Variants in CFAP70 observed in about 807,000 individuals in gnomAD.
CFAP70 encodes cilia- and flagella-associated protein 70.
CFAP70 carries 81 observed loss-of-function variants against 137.6 expected under a neutral mutation model. The observed-to-expected ratio is 0.59, with a 90% CI of 0.49 to 0.71. The LOEUF is 0.71. CFAP70 is among the 30% of genes least tolerant of loss of function. The pLI is 0.00. For synonymous variants in CFAP70, 382 were observed against 423.6 expected, an observed-to-expected ratio of 0.90 and a Z score of 1.20; for missense variants, 976 against 1,226.7, an observed-to-expected ratio of 0.80 and a Z score of 3.05.
intron 25 of CFAP70, among the ~76,000 whole-genome samples, chr10:73,264,861 T>A (rs927215758): frequency 6.6e-6 from 1 of 152,196 alleles, no homozygotes; most frequent in Non-Finnish European, 1.5e-5. Flanking sequence ...TTTTCTTTTT[T>A]AAAAAATATA....
intron 13 of CFAP70, 58 bp downstream of exon 14, chr10:73,299,547 C>G (rs1389272263): frequency 1.5e-6 from 2 of 1,372,632 alleles, no homozygotes; most frequent in Non-Finnish European, 2.1e-6. Context: ...ATGCAATTAA[C>G]AAGTGCATGC....
intron 19 of CFAP70, among the ~76,000 whole-genome samples, chr10:73,287,316 T>C (rs1009925061): frequency 6.6e-6 from 1 of 152,214 alleles, no homozygotes; most frequent in Non-Finnish European, 1.5e-5. Flanking sequence ...CAATGGTAAG[T>C]ATTTGTGTAT....
exon 25 of CFAP70, chr10:73,269,626 C>T (rs1256008291): frequency 1.9e-6 from 3 of 1,612,690 alleles, no homozygotes; most frequent in Middle Eastern, 1.7e-4. Flanking sequence ...TCAGGCAGAC[C>T]AGAGCCAGAT....
intron 1 of CFAP70, among the ~76,000 whole-genome samples, chr10:73,357,815 C>T (rs564329954): frequency 6.6e-6 from 1 of 152,342 alleles, no homozygotes; most frequent in Non-Finnish European, 1.5e-5. Context: ...GCAAATCCTA[C>T]TCATCCTTTA....
rs776819986 is a variant in CFAP70 at position 73,345,247 on chromosome 10, G to C, written c.350-133C>G. On this transcript the variant is annotated intron_variant, in intron 4 of 26. Coordinates refer to ENST00000310715, the Ensembl canonical transcript of CFAP70. ...ACTTTAACTTCAAGACTGCACTGCT[G>C]TAAAAGAATAAAATTATGCAGCATT... 3.1e-5 allele frequency: 50 copies of C among 1,607,836 alleles called. No individual in the cohort carries two copies. The highest frequency in any genetic ancestry group is 3.2e-5 in the Non-Finnish European group (38 of 1,177,036).
chr10:73,341,264 A>G (rs1034948789), intron 6 of CFAP70, 135 bp downstream of exon 7: 8 of 713,644 alleles, frequency 1.1e-5, no homozygotes, highest in Non-Finnish European at 1.8e-5. Context: ...AATCAGAATT[A>G]GATATGTGTT....
At chr10:73,304,899 T>G (rs1240922608) in intron 12 of CFAP70, among the ~76,000 whole-genome samples, 1 of 150,930 alleles carries the variant, frequency 6.6e-6, no homozygotes, top group East Asian at 1.9e-4. Flanking sequence ...ACCAACTTGT[T>G]AGAATGTTGG....
chr10:73,338,779 G>A (rs935550992), intron 6 of CFAP70, among the ~76,000 whole-genome samples: 1 of 151,808 alleles, frequency 6.6e-6, no homozygotes, highest in Non-Finnish European at 1.5e-5. Flanking sequence ...GTATTTGTGG[G>A]ATGTAAAACC....
Position 73,307,369 on chromosome 10 carries a change from T to C in CFAP70, c.1256+2789A>G, listed in dbSNP as rs368638408. Reference sequence around the variant, plus strand: ...GAAGTAAATCCTTCTCTATCAGTAATCACATTAAATGTAAATGGATTAAAC... The same window carrying C: ...GAAGTAAATCCTTCTCTATCAGTAACCACATTAAATGTAAATGGATTAAAC... On this transcript the variant is annotated intron_variant, in intron 12 of 26. Transcript: ENST00000310715. Among the ~76,000 whole-genome samples, 4 of 152,250 alleles carry C rather than the reference T, an allele frequency of 2.6e-5. No homozygotes were observed. The East Asian group carries it at 5.8e-4, about 22-fold the overall frequency.
At chr10:73,299,436 C>T (rs940650736) in intron 13 of CFAP70, among the ~76,000 whole-genome samples, 169 bp downstream of exon 14, 5 of 152,146 alleles carry the variant, frequency 3.3e-5, no homozygotes, top group Non-Finnish European at 7.3e-5. Flanking sequence ...AGATTAAACA[C>T]TGTATGCTAT....
At chr10:73,340,293 G>C (rs1224945665) in intron 6 of CFAP70, among the ~76,000 whole-genome samples, 2 of 152,184 alleles carry the variant, frequency 1.3e-5, no homozygotes, top group Non-Finnish European at 2.9e-5. Flanking sequence ...GCAGAGAGGA[G>C]ACCCACAGTG....
rs773031301 is a variant in CFAP70 at position 73,348,443 on chromosome 10, T to C, written c.329A>G (p.Asp110Gly). 3.8e-6 allele frequency: 6 copies of C among 1,595,394 alleles called. No individual in the cohort carries two copies. The South Asian group carries it at 6.8e-5, about 18-fold the overall frequency. ...CTGACCTTCCAGTAAGGGAAGAAGG[T>C]CCACCACAGCCTGACCAAGAATTAA... The change falls in exon 4 of 27, where the codon GAC becomes GGC. Residue 110 changes from aspartate (D) to glycine (G), a missense_variant. By Grantham distance (94) the Asp-to-Gly change is moderately conservative (BLOSUM62 -1). Coordinates refer to ENST00000310715, the Ensembl canonical transcript of CFAP70.
chr10:73,298,100 A>C (rs2048675313), intron 14 of CFAP70, among the ~76,000 whole-genome samples: 1 of 152,230 alleles, frequency 6.6e-6, no homozygotes, highest in Admixed American at 6.5e-5. Flanking sequence ...AGCAGTTAAG[A>C]ATGTGAGTTC....
chr10:73,292,404 G>A (rs1010809221), intron 16 of CFAP70, among the ~76,000 whole-genome samples: 30 of 152,146 alleles, frequency 2.0e-4, no homozygotes, highest in Admixed American at 1.5e-3. Context: ...ACTTCATGAT[G>A]AGTGAAAACT....
At chr10:73,338,922 CTTT>C (rs879821090) in intron 6 of CFAP70, among the ~76,000 whole-genome samples, 2 of 138,378 alleles carry the variant, frequency 1.4e-5, no homozygotes, top group Non-Finnish European at 1.6e-5. Flanking sequence ...GATCACTATA[CTTT>C]TTTTTTTTTT....
intron 9 of CFAP70, among the ~76,000 whole-genome samples, chr10:73,313,135 G>A (rs1290454338): frequency 6.6e-6 from 1 of 152,118 alleles, no homozygotes; most frequent in Non-Finnish European, 1.5e-5. Flanking sequence ...CACTTTGGGA[G>A]GCCGAGGCAT....
chr10:73,317,487 G>A lies in CFAP70; in HGVS notation c.913-4844C>T, dbSNP rs150220780. Among the ~76,000 whole-genome samples the A allele has an allele frequency of 7.8e-3, 1,186 of 152,132 alleles. 14 individuals are homozygous for A. The highest frequency in any genetic ancestry group is 0.027 in the African/African-American group (1,119 of 41,506). Reference sequence around the variant, plus strand: ...GAGTTGTTTTTCTCCTGTTGCATTCGTGATGTTCTCTTTGTCTCTCTCTTT... The same window carrying A: ...GAGTTGTTTTTCTCCTGTTGCATTCATGATGTTCTCTTTGTCTCTCTCTTT... On this transcript the variant is annotated intron_variant, in intron 9 of 26. Transcript: ENST00000310715.
At chr10:73,334,640 C>T (rs1387119987) in intron 7 of CFAP70, among the ~76,000 whole-genome samples, 2 of 150,406 alleles carry the variant, frequency 1.3e-5, no homozygotes, top group African/African-American at 2.5e-5. Flanking sequence ...AATGCAGTGG[C>T]GTGATCTCGG....
chr10:73,303,022 G>A (rs1479690926), intron 12 of CFAP70, among the ~76,000 whole-genome samples: 4 of 150,816 alleles, frequency 2.7e-5, no homozygotes, highest in African/African-American at 7.3e-5. Context: ...CCCCACCACC[G>A]GGTAGCTCGG....
Sources: allele counts gnomAD v4.1 joint callset (sites outside exome capture counted in the v4.1 genomes callset), GRCh38; gene constraint gnomAD v4.1.1; transcripts MANE v1.5; gene names NCBI Gene and HGNC (gene_info 2026-07-23, HGNC 2026-07-21).